The following EML1 variants were observed in gnomAD, a reference collection of about 807,000 sequenced individuals.
EML1 encodes the protein echinoderm microtubule-associated protein-like 1.
In EML1, 27 loss-of-function variants were observed where a neutral mutation model predicts 110.4. That is an observed-to-expected ratio of 0.24 (90% CI 0.18 to 0.34). EML1 has a LOEUF of 0.34. Among genes scored for constraint, EML1 ranks in the 10% least tolerant of loss-of-function variants. The probability of loss-of-function intolerance (pLI) is 1.00; values close to 1 mark genes in which losing one functional copy is unlikely to be tolerated. For missense variants in EML1, 741 were observed against 1,030.9 expected, an observed-to-expected ratio of 0.72 and a Z score of 3.85; for synonymous variants, 344 against 385.8, an observed-to-expected ratio of 0.89 and a Z score of 1.27.
chr14:99,934,709 C>T (rs2140129809), intron 17 of EML1, among the ~76,000 whole-genome samples: 1 of 152,350 alleles, frequency 6.6e-6, no homozygotes, highest in South Asian at 2.1e-4. Flanking sequence ...CTGGGCCCTG[C>T]ATGGCTCCAG....
At chr14:99,811,640 C>CAAA (rs71113224) in intron 1 of EML1, among the ~76,000 whole-genome samples, 11 of 120,008 alleles carry the variant, frequency 9.2e-5, no homozygotes, top group Admixed American at 1.7e-4. Context: ...CTGTCTCTAC[C>CAAA]AAAAAAAAAA....
At chr14:99,885,461 C>G (rs1313308395) in intron 4 of EML1, among the ~76,000 whole-genome samples, 1 of 152,152 alleles carries the variant, frequency 6.6e-6, no homozygotes, top group East Asian at 1.9e-4. Flanking sequence ...TCTATGTGGT[C>G]CATCATTGAC....
At chr14:99,894,133 C>G (rs1206136085) in intron 5 of EML1, among the ~76,000 whole-genome samples, 1 of 152,034 alleles carries the variant, frequency 6.6e-6, no homozygotes, top group Non-Finnish European at 1.5e-5. Context: ...GTTCTTTACA[C>G]TTGAAAGAAT....
chr14:99,804,919 C>T (rs1566873376), intron 1 of EML1, among the ~76,000 whole-genome samples: 1 of 152,188 alleles, frequency 6.6e-6, no homozygotes, highest in Non-Finnish European at 1.5e-5. Flanking sequence ...CTTCCCTGAC[C>T]CTTTCCTCCC....
At chr14:99,778,792 T>C (rs2057509768) in intron 1 of EML1, among the ~76,000 whole-genome samples, 1 of 152,252 alleles carries the variant, frequency 6.6e-6, no homozygotes, top group African/African-American at 2.4e-5. Context: ...AAATGTATTC[T>C]TTGCATTTAT....
chr14:99,738,950 G>A (rs145947378), intron 1 of EML1, among the ~76,000 whole-genome samples: 43 of 152,256 alleles, frequency 2.8e-4, no homozygotes, highest in African/African-American at 1.0e-3. Flanking sequence ...TCTCCTGGGG[G>A]GTGTGGGGCA....
chr14:99,888,432 T>TA (rs776562837), intron 4 of EML1, among the ~76,000 whole-genome samples: 115 of 152,332 alleles, frequency 7.5e-4, no homozygotes, highest in African/African-American at 2.3e-3. Flanking sequence ...AAAGTCATGA[T>TA]AAAAAAATAG....
At chr14:99,917,046 T>G (rs1157239431) in intron 15 of EML1, among the ~76,000 whole-genome samples, 2 of 152,218 alleles carry the variant, frequency 1.3e-5, no homozygotes, top group Non-Finnish European at 2.9e-5. Context: ...CATAGTGTTT[T>G]GCACCCAGTG....
At chr14:99,738,057 CT>C (rs920765966) in intron 1 of EML1, among the ~76,000 whole-genome samples, 2 of 152,230 alleles carry the variant, frequency 1.3e-5, no homozygotes, top group African/African-American at 4.8e-5. Flanking sequence ...GCCACACCCC[CT>C]GACTGCCCAG....
At chr14:99,835,584 G>T (rs1295257601) in intron 1 of EML1, among the ~76,000 whole-genome samples, 1 of 151,910 alleles carries the variant, frequency 6.6e-6, no homozygotes, top group Non-Finnish European at 1.5e-5. Context: ...TCCTTTCTTC[G>T]TTTCTAATGT....
chr14:99,750,507 T>G (rs1013377053), intron 1 of EML1, among the ~76,000 whole-genome samples: 2 of 152,182 alleles, frequency 1.3e-5, no homozygotes, highest in African/African-American at 4.8e-5. Context: ...GTGTGATCTT[T>G]GCAAGTCAGA....
rs1284748562 is a variant in EML1 at position 99,914,221 on chromosome 14, A to G, written c.1537A>G (p.Lys513Glu). ...TCCAATACGGACAGTGGCCGAGGGGAAAGGCGATGTGATCTTGATTGGCAC... is the reference window on the plus strand; with the variant it reads ...TCCAATACGGACAGTGGCCGAGGGGGAAGGCGATGTGATCTTGATTGGCAC... ...FGPIRTVAEG[K>E]GDVILIGTTR... Residue 513 changes from lysine (K) to glutamate (E), a missense_variant, in exon 14 of 22, where the codon AAA becomes GAA. Coordinates refer to ENST00000262233, the MANE Select transcript of EML1 (RefSeq NM_004434.3). 1 of 1,613,860 alleles carries G rather than the reference A, an allele frequency of 6.2e-7. No individual in the cohort carries two copies. The highest frequency in any genetic ancestry group is 1.3e-5 in the African/African-American group (1 of 74,900).
intron 3 of EML1, among the ~76,000 whole-genome samples, chr14:99,875,754 G>C (rs1041734577): frequency 6.6e-6 from 1 of 152,144 alleles, no homozygotes; most frequent in East Asian, 1.9e-4. Flanking sequence ...GGTGTTTGTC[G>C]TCATGGGAAC....
intron 1 of EML1, among the ~76,000 whole-genome samples, chr14:99,751,996 G>A (rs2057181512): frequency 6.6e-6 from 1 of 152,160 alleles, no homozygotes; most frequent in Non-Finnish European, 1.5e-5. Flanking sequence ...CTGAGCATCA[G>A]AAGATAAGAG....
chr14:99,861,746 T>C (rs548839830), intron 2 of EML1, among the ~76,000 whole-genome samples: 80 of 152,162 alleles, frequency 5.3e-4, no homozygotes, highest in Non-Finnish European at 9.0e-4. Flanking sequence ...CCTCCCAAAG[T>C]GCTGAGATTA....
At chr14:99,805,127 G>A (rs770823589) in intron 1 of EML1, among the ~76,000 whole-genome samples, 35 of 152,284 alleles carry the variant, frequency 2.3e-4, no homozygotes, top group African/African-American at 6.0e-4. Context: ...AGATGTAGGC[G>A]CAGCTCACTG....
At chr14:99,739,094 G>C (rs1325099348) in intron 1 of EML1, among the ~76,000 whole-genome samples, 10 of 126,770 alleles carry the variant, frequency 7.9e-5, no homozygotes, top group African/African-American at 3.3e-4. Flanking sequence ...GTGTGTGTGA[G>C]AGAGAGAGAC....
chr14:99,924,193 C>T (rs994946984), intron 17 of EML1, among the ~76,000 whole-genome samples: 9 of 151,904 alleles, frequency 5.9e-5, no homozygotes, highest in South Asian at 2.1e-4. Context: ...TTTTTTATGC[C>T]ATTGTGAATG....
chr14:99,911,849 A>G (rs1270111759), intron 13 of EML1, among the ~76,000 whole-genome samples: 1 of 151,958 alleles, frequency 6.6e-6, no homozygotes, highest in Non-Finnish European at 1.5e-5. Context: ...ATTTTGATTT[A>G]TTATAAAAAT....
Sources: allele counts gnomAD v4.1 joint callset (sites outside exome capture counted in the v4.1 genomes callset), GRCh38; gene constraint gnomAD v4.1.1; transcripts MANE v1.5; gene names NCBI Gene and HGNC (gene_info 2026-07-23, HGNC 2026-07-21).